The following TMEM233 variants were observed in gnomAD, a reference collection of about 807,000 sequenced individuals.
TMEM233 encodes the protein transmembrane protein 233.
In TMEM233, 6 loss-of-function variants were observed where a neutral mutation model predicts 11.2. The observed-to-expected ratio is 0.54, with a 90% CI of 0.29 to 1.06. The LOEUF (loss-of-function observed/expected upper bound fraction) is 1.06. Ranked by LOEUF, TMEM233 falls within the 50% of genes least tolerant of loss-of-function variation. The pLI, the probability that TMEM233 is intolerant of heterozygous loss-of-function variation, is 0.08. For missense variants in TMEM233, 127 were observed against 144.7 expected (o/e 0.88, Z 0.63); for synonymous variants, 59 against 55.8 (o/e 1.06, Z -0.26).
chr12:119,631,944 A>T (rs77100192), intron 2 of TMEM233, among the ~76,000 whole-genome samples: 1 of 152,188 alleles, frequency 6.6e-6, no homozygotes, highest in South Asian at 2.1e-4. Flanking sequence ...AATATTATCA[A>T]TGTTACTGGG....
At chr12:119,644,483 T>C (rs1269895747), downstream of TMEM233, among the ~76,000 whole-genome samples, 50 of 135,956 alleles carry the variant, frequency 3.7e-4, no homozygotes, top group Non-Finnish European at 2.4e-4. Flanking sequence ...CTTTTCTTTT[T>C]TTTTTTTTTT....
At chr12:119,607,711 C>A (rs1164626849) in intron 1 of TMEM233, among the ~76,000 whole-genome samples, 1 of 151,664 alleles carries the variant, frequency 6.6e-6, no homozygotes, top group Non-Finnish European at 1.5e-5. Context: ...CGGGCCCAAG[C>A]GACCCTCCTG....
intron 2 of TMEM233, among the ~76,000 whole-genome samples, chr12:119,633,889 G>A (rs1954929399): frequency 6.6e-6 from 1 of 152,030 alleles, no homozygotes; most frequent in South Asian, 2.1e-4. Context: ...AAAAAAGTTA[G>A]CATCCGAGCC....
At chr12:119,612,660 G>A (rs1349602283) in intron 1 of TMEM233, among the ~76,000 whole-genome samples, 1 of 151,582 alleles carries the variant, frequency 6.6e-6, no homozygotes, top group African/African-American at 2.4e-5. Flanking sequence ...GCTGAGGCGG[G>A]AGAATGGCAT....
intron 2 of TMEM233, chr12:119,631,497 A>G: frequency 1.0e-6 from 1 of 985,360 alleles, no homozygotes; most frequent in Non-Finnish European, 1.2e-6. Context: ...AATAAAAGAG[A>G]AAAGGACACT....
At chr12:119,645,594 T>C (rs1254565374), downstream of TMEM233, among the ~76,000 whole-genome samples, 1 of 152,200 alleles carries the variant, frequency 6.6e-6, no homozygotes, top group African/African-American at 2.4e-5. Context: ...CCAGTAGACA[T>C]CTATTTATCA....
chr12:119,595,595 CTT>C lies in TMEM233; in HGVS notation c.186+1563_186+1564del, dbSNP rs1954028363. Among the ~76,000 whole-genome samples the C allele has an allele frequency of 6.6e-6, 1 of 152,186 alleles. No homozygotes were observed. Among genetic ancestry groups the C allele is most frequent in the Admixed American group, 6.5e-5 (1 of 15,280 alleles). ...TCACTGCATCTCTGAACCTCAGTCT[CTT>C]TGTAAAACCAGAATAATCATAGCCA... On this transcript the variant is annotated intron_variant, in intron 1 of 2. Transcript: ENST00000426426. The surrounding 1 kb of genome is among the most constrained non-coding windows in gnomAD (Gnocchi z 4.3).
chr12:119,624,721 T>A (rs778309688), intron 1 of TMEM233, among the ~76,000 whole-genome samples: 2 of 152,110 alleles, frequency 1.3e-5, no homozygotes, highest in Non-Finnish European at 2.9e-5. Context: ...GGTATGGAGT[T>A]TCCATTGGGG....
chr12:119,629,982 G>T, intron 2 of TMEM233, 110 bp downstream of exon 2: 1 of 1,221,414 alleles, frequency 8.2e-7, no homozygotes, highest in Non-Finnish European at 1.1e-6. Flanking sequence ...CCAAGCCAAA[G>T]GGTTTTCATG....
At chr12:119,621,488 A>C (rs909143115) in intron 1 of TMEM233, among the ~76,000 whole-genome samples, 1 of 141,550 alleles carries the variant, frequency 7.1e-6, no homozygotes, top group East Asian at 2.0e-4. Flanking sequence ...TGGCCTATTC[A>C]TATGCTTAGA....
intron 1 of TMEM233, among the ~76,000 whole-genome samples, chr12:119,618,581 T>C (rs1159802772): frequency 1.3e-5 from 2 of 152,236 alleles, no homozygotes; most frequent in African/African-American, 4.8e-5. Context: ...GTGACCTGGA[T>C]GTGAGACATG....
At chr12:119,635,708 G>A (rs932958311) in intron 2 of TMEM233, among the ~76,000 whole-genome samples, 1 of 152,164 alleles carries the variant, frequency 6.6e-6, no homozygotes, top group African/African-American at 2.4e-5. Context: ...CAAGCCCCAG[G>A]TTGTGACCTG....
chr12:119,607,013 T>C (rs1278972060), intron 1 of TMEM233, among the ~76,000 whole-genome samples: 1 of 152,220 alleles, frequency 6.6e-6, no homozygotes, highest in African/African-American at 2.4e-5. Flanking sequence ...AAATTGTCTG[T>C]GCAAAGAGAT....
intron 2 of TMEM233, among the ~76,000 whole-genome samples, chr12:119,636,493 T>C (rs778614145): frequency 2.3e-4 from 35 of 152,140 alleles, no homozygotes; most frequent in Non-Finnish European, 4.0e-4. Context: ...CTTTTGTTTT[T>C]GGTTTTTGAG....
intron 1 of TMEM233, among the ~76,000 whole-genome samples, chr12:119,596,718 C>G (rs767513334): frequency 1.3e-5 from 2 of 152,058 alleles, no homozygotes; most frequent in Non-Finnish European, 2.9e-5. Context: ...ATCTCAAACT[C>G]CTGACCTCAA....
downstream of TMEM233, among the ~76,000 whole-genome samples, chr12:119,646,811 C>A (rs1384683220): frequency 6.6e-6 from 1 of 152,220 alleles, no homozygotes; most frequent in Non-Finnish European, 1.5e-5. Flanking sequence ...TGATTAGCAA[C>A]CTTAATTCCA....
At chr12:119,646,655 C>A (rs532554890), downstream of TMEM233, among the ~76,000 whole-genome samples, 55 of 152,336 alleles carry the variant, frequency 3.6e-4, no homozygotes, top group South Asian at 3.5e-3. Context: ...TCTTTATTAT[C>A]TACCTCCTCC....
intron 1 of TMEM233, among the ~76,000 whole-genome samples, chr12:119,606,933 T>G (rs1228042934): frequency 6.6e-6 from 1 of 152,242 alleles, no homozygotes; most frequent in Admixed American, 6.5e-5. Flanking sequence ...AGGATAGTGC[T>G]TTTGAAGAAT....
At chr12:119,615,850 G>A (rs1433867037) in intron 1 of TMEM233, among the ~76,000 whole-genome samples, 1 of 152,102 alleles carries the variant, frequency 6.6e-6, no homozygotes, top group Non-Finnish European at 1.5e-5. Context: ...AAAATTTATG[G>A]GGTTACTCTG....
Sources: gnomAD v4.1 joint callset for allele counts (sites outside exome capture counted in the v4.1 genomes callset) on GRCh38, gnomAD v4.1.1 for gene constraint, Gnocchi (gnomAD v3.1) non-coding constraint, MANE v1.5 for transcripts, NCBI Gene and HGNC (gene_info 2026-07-23, HGNC 2026-07-21) for gene names.